Variants in ABTB2 observed in about 807,000 individuals in gnomAD.
ABTB2 encodes the protein ankyrin repeat and BTB domain containing 2.
A neutral mutation model predicts 104.1 loss-of-function variants in ABTB2; 56 were observed. The observed-to-expected ratio is 0.54, with a 90% confidence interval of 0.43 to 0.67. The LOEUF (loss-of-function observed/expected upper bound fraction) is 0.67. Ranked by LOEUF, ABTB2 falls within the 30% of genes least tolerant of loss-of-function variation. ABTB2 has a pLI of 0.00. For synonymous variants in ABTB2, 606 were observed against 608.2 expected, an observed-to-expected ratio of 1.00 and a Z score of 0.05; for missense variants, 1,279 against 1,407.7, an observed-to-expected ratio of 0.91 and a Z score of 1.46.
chr11:34,229,559 C>T (rs1853742739), intron 1 of ABTB2, among the ~76,000 whole-genome samples: 1 of 151,800 alleles, frequency 6.6e-6, no homozygotes, highest in South Asian at 2.1e-4. Context: ...GAATGGGTTT[C>T]CTTAAAACAA....
At chr11:34,321,493 C>T (rs1225050376) in intron 1 of ABTB2, among the ~76,000 whole-genome samples, 1 of 152,182 alleles carries the variant, frequency 6.6e-6, no homozygotes, top group East Asian at 1.9e-4. Context: ...CAGAAAGATG[C>T]CTGTGATGTA....
At chr11:34,313,400 C>A (rs1477611320) in intron 1 of ABTB2, among the ~76,000 whole-genome samples, 1 of 152,210 alleles carries the variant, frequency 6.6e-6, no homozygotes, top group Non-Finnish European at 1.5e-5. Flanking sequence ...TAGCTCCTTA[C>A]AAGCCACCTG....
At chr11:34,184,789 G>A (rs1286129684) in intron 3 of ABTB2, among the ~76,000 whole-genome samples, 1 of 152,256 alleles carries the variant, frequency 6.6e-6, no homozygotes, top group Non-Finnish European at 1.5e-5. Flanking sequence ...AGGCCTACTG[G>A]CCACGCCCCA....
chr11:34,188,264 T>A (rs899877576), intron 3 of ABTB2, among the ~76,000 whole-genome samples: 6 of 152,188 alleles, frequency 3.9e-5, no homozygotes, highest in African/African-American at 1.4e-4. Flanking sequence ...TTTCATTAAC[T>A]TAGCAAAATA....
chr11:34,198,323 G>A (rs1428490345), intron 2 of ABTB2, among the ~76,000 whole-genome samples: 3 of 152,120 alleles, frequency 2.0e-5, no homozygotes, highest in East Asian at 1.9e-4. Flanking sequence ...TACTCGGGAC[G>A]CTGAGGCAGG....
At chr11:34,277,996 G>C (rs2133084990) in intron 1 of ABTB2, among the ~76,000 whole-genome samples, 1 of 151,402 alleles carries the variant, frequency 6.6e-6, no homozygotes, top group African/African-American at 2.4e-5. Flanking sequence ...GTAGAGACAG[G>C]GTTTCGCTGT....
At chr11:34,210,705 T>G (rs1343535344) in intron 1 of ABTB2, among the ~76,000 whole-genome samples, 1 of 152,138 alleles carries the variant, frequency 6.6e-6, no homozygotes, top group Non-Finnish European at 1.5e-5. Flanking sequence ...TCAGGGAAGC[T>G]CATGGCCAAG....
chr11:34,226,519 G>A (rs1289581238), intron 1 of ABTB2, among the ~76,000 whole-genome samples: 1 of 152,110 alleles, frequency 6.6e-6, no homozygotes, highest in Non-Finnish European at 1.5e-5. Context: ...CATAAAACAC[G>A]GACAATAACC....
At chr11:34,278,750 A>G (rs977804925) in intron 1 of ABTB2, among the ~76,000 whole-genome samples, 4 of 152,200 alleles carry the variant, frequency 2.6e-5, no homozygotes, top group African/African-American at 9.7e-5. Flanking sequence ...ACACCCGGGT[A>G]GGAGTGGGCA....
At chr11:34,336,285 A>C (rs945998355) in intron 1 of ABTB2, among the ~76,000 whole-genome samples, 127 of 152,240 alleles carry the variant, frequency 8.3e-4, no homozygotes, top group Non-Finnish European at 1.9e-4. Context: ...CACATTTACA[A>C]CACCATAAGG....
chr11:34,316,699 TAC>T (rs1240632635), intron 1 of ABTB2, among the ~76,000 whole-genome samples: 1 of 152,224 alleles, frequency 6.6e-6, no homozygotes, highest in East Asian at 1.9e-4. Flanking sequence ...TAAAAAAAAA[TAC>T]AGTGTGTACT....
intron 1 of ABTB2, among the ~76,000 whole-genome samples, chr11:34,241,923 C>T (rs1291803107): frequency 6.6e-6 from 1 of 152,250 alleles, no homozygotes; most frequent in East Asian, 1.9e-4. Flanking sequence ...CTGGGAACAG[C>T]TGGACTCTTC....
chr11:34,318,273 C>T (rs896370549), intron 1 of ABTB2, among the ~76,000 whole-genome samples: 11 of 152,064 alleles, frequency 7.2e-5, no homozygotes, highest in African/African-American at 2.2e-4. Flanking sequence ...CCTGGCTCCA[C>T]GTTTTTTGGT....
At chr11:34,315,548 G>T (rs1001424604) in intron 1 of ABTB2, among the ~76,000 whole-genome samples, 8 of 152,112 alleles carry the variant, frequency 5.3e-5, no homozygotes, top group African/African-American at 1.9e-4. Flanking sequence ...TGATTCCAGG[G>T]ATGTGTTCTG....
At chr11:34,172,395 A>AAAAAAAAAAAT (rs1554980662) in intron 4 of ABTB2, among the ~76,000 whole-genome samples, 2 of 29,050 alleles carry the variant, frequency 6.9e-5, no homozygotes, top group African/African-American at 2.0e-4. Context: ...AAAAAAAAAA[A>AAAAAAAAAAAT]ATATATATAT....
chr11:34,162,855 T>G, intron 9 of ABTB2, 50 bp from the exon 10 acceptor site: 1 of 1,521,150 alleles, frequency 6.6e-7, no homozygotes, highest in Non-Finnish European at 8.8e-7. Context: ...CCACAGGCAG[T>G]GCCCACCTGA....
At chr11:34,288,925 C>T (rs1275349859) in intron 1 of ABTB2, among the ~76,000 whole-genome samples, 1 of 152,152 alleles carries the variant, frequency 6.6e-6, no homozygotes, top group Non-Finnish European at 1.5e-5. Flanking sequence ...TCACATACTC[C>T]CAATCCCTAC....
At chr11:34,232,798 A>T (rs1853789446) in intron 1 of ABTB2, among the ~76,000 whole-genome samples, 1 of 151,974 alleles carries the variant, frequency 6.6e-6, no homozygotes, top group Admixed American at 6.6e-5. Flanking sequence ...TGTCTCTTAA[A>T]AAAAAATACA....
intron 7 of ABTB2, among the ~76,000 whole-genome samples, chr11:34,166,458 T>C (rs558776129): frequency 2.7e-4 from 41 of 152,354 alleles, no homozygotes; most frequent in African/African-American, 9.9e-4. Flanking sequence ...CCGGTTCTTA[T>C]AAGGCAAAGG....
Sources: gnomAD v4.1 joint callset for allele counts (sites outside exome capture counted in the v4.1 genomes callset) on GRCh38, gnomAD v4.1.1 for gene constraint, MANE v1.5 for transcripts, NCBI Gene and HGNC (gene_info 2026-07-23, HGNC 2026-07-21) for gene names.